RFX2: variants seen among roughly 807,000 people sequenced by gnomAD.
RFX2 encodes DNA-binding protein RFX2.
RFX2 carries 20 observed loss-of-function variants against 87.8 expected under a neutral mutation model. The ratio of observed to expected loss-of-function variants is 0.23; its 90% CI spans 0.16 to 0.33. RFX2 has a LOEUF of 0.33. Among genes scored for constraint, RFX2 ranks in the 10% least tolerant of loss-of-function variants. The pLI is 1.00. For missense variants in RFX2, 767 were observed against 1,012.3 expected, an observed-to-expected ratio of 0.76 and a Z score of 3.29; for synonymous variants, 397 against 431.3, an observed-to-expected ratio of 0.92 and a Z score of 0.98.
rs957758628 is a variant in RFX2, at chr19:5,994,379, A to G, written c.*456T>C. 3.3e-4 allele frequency: 51 copies of G among 154,578 alleles called. No individual in the cohort carries two copies. Among genetic ancestry groups the G allele is most frequent in the Non-Finnish European group, 8.6e-5 (6 of 69,488 alleles). The allele number at this position is 154,578 out of a possible 1,614,324, so 9.6% of individuals were successfully genotyped here. A position where few individuals can be genotyped will look rare whatever the true frequency, so the allele number is the denominator to read the frequency against. ...AGCTCTGTGCCTCCCCAGCGGTGGC[A>G]GGTAGGAGGGGAGAGGCCGTCCCTT... On this transcript the variant is annotated 3_prime_UTR_variant, in exon 18 of 18. Transcript: ENST00000303657.
Position 6,042,345 on chromosome 19 carries a change from C to T in RFX2, c.181-222G>A, listed in dbSNP as rs994956708. Among the ~76,000 whole-genome samples the T allele has an allele frequency of 1.1e-4, 17 of 152,326 alleles. No individual in the cohort carries two copies. The South Asian group carries it at 1.2e-3, about 11-fold the overall frequency. On this transcript the variant is annotated intron_variant, in intron 3 of 17. Coordinates refer to ENST00000303657, the MANE Select transcript of RFX2 (RefSeq NM_000635.4). ...CACAGTTCAGGGAGCTGCGACTGAT[C>T]CCCAGAGCTCTGCTAGCGTGTCTGT...
chr19:6,060,397 C>G (rs2087410892), intron 1 of RFX2, among the ~76,000 whole-genome samples: 2 of 152,184 alleles, frequency 1.3e-5, no homozygotes, highest in South Asian at 4.1e-4. Flanking sequence ...AGCCTTCCGT[C>G]TCCCTCCAAG....
chr19:6,088,346 G>C (rs1457760750), intron 1 of RFX2, among the ~76,000 whole-genome samples: 1 of 150,854 alleles, frequency 6.6e-6, no homozygotes, highest in Admixed American at 6.7e-5. Flanking sequence ...TGAGTGGCTA[G>C]TATTACAGGC....
intron 1 of RFX2, among the ~76,000 whole-genome samples, chr19:6,092,013 G>A (rs766368807): frequency 3.9e-5 from 6 of 152,166 alleles, no homozygotes; most frequent in Non-Finnish European, 8.8e-5. Flanking sequence ...TTCTACATCC[G>A]GGAGTGGGGG....
chr19:6,108,848 G>A (rs894535216), intron 1 of RFX2, among the ~76,000 whole-genome samples: 1 of 152,184 alleles, frequency 6.6e-6, no homozygotes, highest in African/African-American at 2.4e-5. Context: ...GGCGCTTGGG[G>A]CCCTCGGGGG....
chr19:6,060,475 C>T (rs76623884), intron 1 of RFX2, among the ~76,000 whole-genome samples: 1 of 152,182 alleles, frequency 6.6e-6, no homozygotes, highest in African/African-American at 2.4e-5. Flanking sequence ...TAGACAAGCT[C>T]ACATCACACC....
At position 6,001,905 on chromosome 19, in the gene RFX2, C is replaced by A. The variant is rs998933350; in HGVS notation, c.1769G>T (p.Ser590Ile). The change falls in exon 15 of 18, where the codon AGT (serine) becomes ATT (isoleucine). Residue 590 changes from serine (S) to isoleucine (I), a missense_variant. This residue lies in a region of RFX2 where 621 missense variants were observed against 873.0 expected (regional missense o/e 0.71). Coordinates refer to ENST00000303657, the MANE Select transcript of RFX2 (RefSeq NM_000635.4). This position sits in a 1 kb window ranked among gnomAD's most constrained non-coding sequence, Gnocchi z 5.6. ...SLDQWASWLD[S>I]VVTQVLKQHA... ...CTGCTTCAGGACCTGGGTGACCACA[C>A]TGTCCAGCCAGCTGGCCCACTGGTC... 12 of 1,613,132 alleles carry A rather than the reference C, an allele frequency of 7.4e-6. No individual in the cohort carries two copies. Among genetic ancestry groups the A allele is most frequent in the African/African-American group, 1.3e-5 (1 of 74,934 alleles).
At chr19:6,005,126 A>C (rs117632186) in intron 12 of RFX2, among the ~76,000 whole-genome samples, 1 of 152,254 alleles carries the variant, frequency 6.6e-6, no homozygotes, top group East Asian at 1.9e-4. Flanking sequence ...AACCAGAAAA[A>C]TATTTTAAAA....
chr19:6,023,883 G>A lies in RFX2; in HGVS notation c.597+2280C>T, dbSNP rs2086852743. Among the ~76,000 whole-genome samples the A allele has an allele frequency of 6.6e-6, 1 of 151,918 alleles. No individual in the cohort carries two copies. Among genetic ancestry groups the A allele is most frequent in the African/African-American group, 2.4e-5 (1 of 41,346 alleles). On this transcript the variant is annotated intron_variant, in intron 6 of 17. Transcript: ENST00000303657. This position sits in a 1 kb window ranked among gnomAD's most constrained non-coding sequence, Gnocchi z 4.9. ...CAACCTCCGTCTCCCAGGTTCAAGC[G>A]ATTCTCCTGTCTCAGCCTCCAGAGT... is the stretch of plus-strand genomic sequence containing the variant.
At chr19:6,028,795 C>A (rs984585810) in intron 5 of RFX2, among the ~76,000 whole-genome samples, 1 of 152,086 alleles carries the variant, frequency 6.6e-6, no homozygotes, top group Non-Finnish European at 1.5e-5. Flanking sequence ...GAGATTTTGG[C>A]CGGGCACGGT....
chr19:6,014,972 C>G (rs1037820737), intron 7 of RFX2, among the ~76,000 whole-genome samples: 4 of 152,232 alleles, frequency 2.6e-5, no homozygotes, highest in African/African-American at 9.6e-5. Flanking sequence ...AGGCAGCAGC[C>G]TACTGCACTC....
rs547730732 is a variant in RFX2, at chr19:6,007,630, G to A, written c.1247+60C>T. The A allele has an allele frequency of 2.4e-5, 24 of 981,476 alleles. 2 individuals carry two copies. In the South Asian group the frequency reaches 3.3e-4, roughly 14 times the overall value. The allele number at this position is 981,476 out of a possible 1,614,324, so 60.8% of individuals were successfully genotyped here. Reference sequence around the variant, plus strand: ...GGCTTTCGTTTGTGGGTTACCTGTGGACGTCAGCAGGGGGTTAAGTCTGGG... The same window carrying A: ...GGCTTTCGTTTGTGGGTTACCTGTGAACGTCAGCAGGGGGTTAAGTCTGGG... On this transcript the variant is annotated intron_variant, in intron 11 of 17. Transcript: ENST00000303657. The surrounding 1 kb of genome is among the most constrained non-coding windows in gnomAD (Gnocchi z 8.2).
intron 1 of RFX2, among the ~76,000 whole-genome samples, chr19:6,095,019 G>A (rs1233704439): frequency 2.0e-5 from 3 of 152,204 alleles, no homozygotes; most frequent in African/African-American, 7.2e-5. Context: ...GGCTGAGGCA[G>A]GAGAATGGTG....
chr19:6,030,414 T>C (rs2086940393), intron 5 of RFX2, among the ~76,000 whole-genome samples: 1 of 152,158 alleles, frequency 6.6e-6, no homozygotes, highest in African/African-American at 2.4e-5. Flanking sequence ...AAACAAAATG[T>C]GGTCCATCCA....
intron 1 of RFX2, among the ~76,000 whole-genome samples, chr19:6,106,438 A>G (rs1020695786): frequency 1.3e-5 from 2 of 152,184 alleles, no homozygotes; most frequent in Admixed American, 6.5e-5. Context: ...AATCCAGGAA[A>G]CTCTGAAAAC....
intron 1 of RFX2, among the ~76,000 whole-genome samples, chr19:6,048,004 G>A (rs2087219837): frequency 6.6e-6 from 1 of 152,216 alleles, no homozygotes; most frequent in South Asian, 2.1e-4. Context: ...GGCCCATTCT[G>A]GGCACGGCAG....
rs2086679195 is a variant in RFX2 at position 6,012,999 on chromosome 19, G to A, written c.886C>T (p.His296Tyr). Reference sequence around the variant, plus strand: ...CCCGGCACCCACCTGGGCTTCTGGTGCATGGGCTGCTGCCGCATGGCCATG... The same window carrying A: ...CCCGGCACCCACCTGGGCTTCTGGTACATGGGCTGCTGCCGCATGGCCATG... ...QYMAMRQQPM[H>Y]QKPRYRPAQK... Residue 296 changes from histidine to tyrosine, a missense_variant, in exon 8 of 18, where the codon CAC (histidine) becomes TAC (tyrosine). By Grantham distance (83) the His-to-Tyr change is moderately conservative. Coordinates refer to ENST00000303657, the MANE Select transcript of RFX2 (RefSeq NM_000635.4). The surrounding 1 kb of genome is among the most constrained non-coding windows in gnomAD (Gnocchi z 4.6). The A allele has an allele frequency of 1.3e-6, 2 of 1,567,982 alleles. No homozygotes were observed. Among genetic ancestry groups the A allele is most frequent in the Non-Finnish European group, 8.6e-7 (1 of 1,156,486 alleles).
intron 1 of RFX2, among the ~76,000 whole-genome samples, chr19:6,065,326 A>T (rs1056119025): frequency 6.6e-6 from 1 of 152,168 alleles, no homozygotes; most frequent in Non-Finnish European, 1.5e-5. Context: ...ACATCTAATA[A>T]GGCTGATGGC....
chr19:6,069,565 G>A (rs2087564426), intron 1 of RFX2, among the ~76,000 whole-genome samples: 1 of 152,202 alleles, frequency 6.6e-6, no homozygotes, highest in East Asian at 1.9e-4. Context: ...GAGTTCTGGG[G>A]CTGTCTACCA....
Sources: gnomAD v4.1 joint callset for allele counts (sites outside exome capture counted in the v4.1 genomes callset) on GRCh38, gnomAD v4.1.1 for gene constraint, gnomAD v4.1.1 regional missense constraint, Gnocchi (gnomAD v3.1) non-coding constraint, MANE v1.5 for transcripts, NCBI Gene and HGNC (gene_info 2026-07-23, HGNC 2026-07-21) for gene names.